Variants in DOCK1 observed in about 807,000 individuals in gnomAD.
DOCK1 encodes dedicator of cytokinesis protein 1.
Under a neutral mutation model 262.7 loss-of-function variants are expected in DOCK1, and 138 were observed. That is an observed-to-expected ratio of 0.53 (90% CI 0.46 to 0.61). DOCK1 has a LOEUF of 0.61. Among genes scored for constraint, DOCK1 ranks in the 20% least tolerant of loss-of-function variants. The pLI, the probability that DOCK1 is intolerant of heterozygous loss-of-function variation, is 0.00. For synonymous variants in DOCK1, 866 were observed against 867.4 expected, an observed-to-expected ratio of 1.00 and a Z score of 0.03; for missense variants, 1,908 against 2,370.7, an observed-to-expected ratio of 0.80 and a Z score of 4.05.
rs573656479 is a variant in DOCK1 at position 127,437,031 on chromosome 10, C to T, written c.5061-1996C>T. On this transcript the variant is annotated intron_variant, in intron 48 of 51. Transcript: ENST00000623213. The surrounding 1 kb of genome is among the most constrained non-coding windows in gnomAD (Gnocchi z 4.4). ...GGACTCTGCTGATAGCGTGCCCTAT[C>T]GCATTGTTTAATTCGCGTCTCGATT... Among the ~76,000 whole-genome samples, 8 of 152,168 alleles carry T rather than the reference C, an allele frequency of 5.3e-5. No individual in the cohort carries two copies. Among genetic ancestry groups the T allele is most frequent in the East Asian group, 3.8e-4 (2 of 5,200 alleles).
In DOCK1 at chr10:126,974,710, G is replaced by A. The variant is rs539111222; in HGVS notation, c.131-3238G>A. ...CATGCCGAACTCTGTCATGCAGCAG[G>A]GTTTGTGGTGTGACCCCTACTTGTC... On this transcript the variant is annotated intron_variant, in intron 2 of 51. Coordinates refer to ENST00000623213, the MANE Select transcript of DOCK1 (RefSeq NM_001290223.2). Among the ~76,000 whole-genome samples, 5 of 152,166 alleles carry A rather than the reference G, an allele frequency of 3.3e-5. No individual in the cohort carries two copies. In the South Asian group the frequency reaches 1.0e-3, roughly 32 times the overall value.
intron 27 of DOCK1, among the ~76,000 whole-genome samples, chr10:127,179,157 A>G (rs1033483358): frequency 3.9e-5 from 6 of 152,224 alleles, no homozygotes; most frequent in African/African-American, 1.4e-4. Context: ...CTGCCATGCT[A>G]TTCATCATCA....
At chr10:127,356,073 C>T (rs2064131814) in intron 32 of DOCK1, among the ~76,000 whole-genome samples, 1 of 152,206 alleles carries the variant, frequency 6.6e-6, no homozygotes. Flanking sequence ...CTCGAGGAAG[C>T]TCTGTGCTAG....
intron 12 of DOCK1, among the ~76,000 whole-genome samples, chr10:127,014,636 G>A (rs901834865): frequency 4.6e-5 from 7 of 152,138 alleles, no homozygotes; most frequent in African/African-American, 1.7e-4. Context: ...ATATTTTGTG[G>A]ACATTCATTC....
intron 27 of DOCK1, among the ~76,000 whole-genome samples, chr10:127,198,990 T>A (rs2057338345): frequency 6.6e-6 from 1 of 152,090 alleles, no homozygotes; most frequent in Non-Finnish European, 1.5e-5. Flanking sequence ...TCTTGCATTT[T>A]TTTTTAATAG....
chr10:126,939,100 T>G (rs2034794969), intron 1 of DOCK1, among the ~76,000 whole-genome samples: 1 of 149,662 alleles, frequency 6.7e-6, no homozygotes, highest in African/African-American at 2.5e-5. Context: ...CCGGAGGGGA[T>G]GAACACAGGA....
rs2133887235 is a variant in DOCK1 at position 127,175,158 on chromosome 10, A to C, written c.2847+47394A>C. 9 of 1,449,170 alleles carry C rather than the reference A, an allele frequency of 6.2e-6. No homozygotes were observed. The highest frequency in any genetic ancestry group is 8.6e-6 in the Non-Finnish European group (9 of 1,049,198). 89.8% of individuals were successfully genotyped at this position (1,449,170 alleles called of 1,614,324 possible). ...GACTTGGGTTTGGGGCTACAGATGG[A>C]CTCTGTGGTGATCAGCCTGCATAGC... On this transcript the variant is annotated intron_variant, in intron 27 of 51. Transcript: ENST00000623213. This position sits in a 1 kb window ranked among gnomAD's most constrained non-coding sequence, Gnocchi z 6.3.
At chr10:127,016,923 CCACACACA>C (rs57658043) in intron 12 of DOCK1, among the ~76,000 whole-genome samples, 1 of 139,456 alleles carries the variant, frequency 7.2e-6, no homozygotes, top group South Asian at 2.4e-4. Context: ...ACACCACACA[CCACACACA>C]CACACACACC....
In DOCK1 at chr10:127,250,593, A is replaced by G. The variant is rs2059591872; in HGVS notation, c.2949+2484A>G. Among the ~76,000 whole-genome samples the G allele has an allele frequency of 1.3e-5, 2 of 151,914 alleles. 1 individual carries two copies. Among genetic ancestry groups the G allele is most frequent in the Admixed American group, 1.3e-4 (2 of 15,258 alleles). On this transcript the variant is annotated intron_variant, in intron 28 of 51. Transcript: ENST00000623213. ...GTCACCTGAGGTCAGGAGTTCGAGA[A>G]CAACCTGGCCAACATGGCAAAACCC... is the stretch of plus-strand genomic sequence containing the variant.
chr10:127,267,558 G>A (rs1194796741), intron 29 of DOCK1, among the ~76,000 whole-genome samples: 2 of 152,186 alleles, frequency 1.3e-5, no homozygotes, highest in Non-Finnish European at 2.9e-5. Flanking sequence ...CTTATTTAGG[G>A]AAGCTTGCTT....
intron 27 of DOCK1, among the ~76,000 whole-genome samples, chr10:127,192,366 A>G (rs1292285524): frequency 6.6e-6 from 1 of 152,202 alleles, no homozygotes; most frequent in Admixed American, 6.5e-5. Flanking sequence ...GCTTGTCCCT[A>G]ATATCTGCTG....
chr10:127,117,178 G>A (rs916088008), intron 25 of DOCK1, among the ~76,000 whole-genome samples: 6 of 152,054 alleles, frequency 3.9e-5, no homozygotes, highest in Admixed American at 1.3e-4. Flanking sequence ...AATATCTTCC[G>A]TGTGCTCAGA....
chr10:127,078,665 A>G (rs939914592), intron 23 of DOCK1, among the ~76,000 whole-genome samples: 6 of 152,256 alleles, frequency 3.9e-5, no homozygotes, highest in East Asian at 1.9e-4. Context: ...CAGCAGCACA[A>G]TTCACAATTA....
chr10:127,158,447 T>G (rs1036329362), intron 27 of DOCK1, among the ~76,000 whole-genome samples: 14 of 152,212 alleles, frequency 9.2e-5, no homozygotes, highest in African/African-American at 3.1e-4. Flanking sequence ...TCTTGCAGAT[T>G]AATTGCTACC....
At chr10:127,132,075 T>C (rs2050359326) in intron 27 of DOCK1, among the ~76,000 whole-genome samples, 1 of 152,234 alleles carries the variant, frequency 6.6e-6, no homozygotes, top group South Asian at 2.1e-4. Context: ...AATGTGATTA[T>C]GCCCTGACAG....
At chr10:127,297,735 T>C (rs1174361058) in intron 29 of DOCK1, among the ~76,000 whole-genome samples, 1 of 152,120 alleles carries the variant, frequency 6.6e-6, no homozygotes, top group Non-Finnish European at 1.5e-5. Context: ...CAAACCCTCA[T>C]GGCACGAGCA....
intron 22 of DOCK1, 81 bp from the exon 23 acceptor site, chr10:127,061,587 C>A: frequency 8.6e-7 from 1 of 1,161,518 alleles, no homozygotes; most frequent in Non-Finnish European, 1.2e-6. Flanking sequence ...CCAAGTGATT[C>A]CCTTCATGGC....
At chr10:127,106,081 C>A in intron 23 of DOCK1, 150 bp from the exon 24 acceptor site, 1 of 779,110 alleles carries the variant, frequency 1.3e-6, no homozygotes, top group Admixed American at 2.9e-5. Context: ...GTTCTTTGCT[C>A]TATTTTCATC....
At chr10:127,398,454 T>C (rs980117300) in intron 38 of DOCK1, among the ~76,000 whole-genome samples, 1 of 152,202 alleles carries the variant, frequency 6.6e-6, no homozygotes, top group Non-Finnish European at 1.5e-5. Context: ...AAGAACGGAC[T>C]GAACGCAGCC....
Sources: gnomAD v4.1 joint callset for allele counts (sites outside exome capture counted in the v4.1 genomes callset) on GRCh38, gnomAD v4.1.1 for gene constraint, Gnocchi (gnomAD v3.1) non-coding constraint, MANE v1.5 for transcripts, NCBI Gene and HGNC (gene_info 2026-07-23, HGNC 2026-07-21) for gene names.